The following FHOD3 variants were observed in gnomAD, a reference collection of about 807,000 sequenced individuals.
FHOD3 encodes formin homology 2 domain containing 3, also known as FH1/FH2 domain-containing protein 3.
In FHOD3, 90 loss-of-function variants were observed where a neutral mutation model predicts 173.0. The ratio of observed to expected loss-of-function variants is 0.52; its 90% confidence interval spans 0.44 to 0.62. FHOD3 has a LOEUF of 0.62. FHOD3 is among the 20% of genes least tolerant of loss of function. The pLI is 0.00. For missense variants in FHOD3, 1,945 were observed against 2,034.7 expected, an observed-to-expected ratio of 0.96 and a Z score of 0.85; for synonymous variants, 828 against 823.0, an observed-to-expected ratio of 1.01 and a Z score of -0.10.
chr18:36,522,031 G>A (rs956278192), intron 5 of FHOD3, among the ~76,000 whole-genome samples: 5 of 152,162 alleles, frequency 3.3e-5, no homozygotes, highest in African/African-American at 7.2e-5. Context: ...CCTGGTTCCC[G>A]AGTATTTTGG....
chr18:36,762,948 T>TGTATTATATACGTTATATATGC lies in FHOD3; in HGVS notation c.4624+2219_4624+2240dup, dbSNP rs769008223. Among the ~76,000 whole-genome samples the TGTATTATATACGTTATATATGC allele has an allele frequency of 4.7e-4, 69 of 145,790 alleles. 2 individuals carry two copies. The highest frequency in any genetic ancestry group is 1.3e-3 in the African/African-American group (52 of 40,098). On this transcript the variant is annotated intron_variant, in intron 27 of 28. Transcript: ENST00000590592. ...TATTATATACATTATATATAATATG[T>TGTATTATATACGTTATATATGC]GTATTATATACGTTATATATGCGTA...
intron 14 of FHOD3, among the ~76,000 whole-genome samples, chr18:36,681,049 T>C (rs1040342528): frequency 6.6e-6 from 1 of 152,176 alleles, no homozygotes; most frequent in Non-Finnish European, 1.5e-5. Context: ...GATAGATAGG[T>C]AGAAAATAGT....
At chr18:36,519,438 G>A (rs2056161972) in intron 5 of FHOD3, among the ~76,000 whole-genome samples, 1 of 152,174 alleles carries the variant, frequency 6.6e-6, no homozygotes, top group Non-Finnish European at 1.5e-5. Context: ...TCAGGGCTCG[G>A]GGACTCTCTT....
In FHOD3 at chr18:36,378,615, A is replaced by AAG. The variant is rs71168220; in HGVS notation, c.337+5871_337+5872insAG. ...CTGCCACAAAAAAAAAAAAAAAAAAAGAGAGATGGGAAGGATGTAAAACAT... is the reference window on the plus strand; with the variant it reads ...CTGCCACAAAAAAAAAAAAAAAAAAAAGGAGAGATGGGAAGGATGTAAAACAT... On this transcript the variant is annotated intron_variant, in intron 3 of 28. Transcript: ENST00000590592. Among the ~76,000 whole-genome samples the AAG allele has an allele frequency of 7.0e-5, 10 of 143,618 alleles. 1 individual carries two copies. The highest frequency in any genetic ancestry group is 1.5e-4 in the Non-Finnish European group (10 of 65,170). 94.2% of individuals were successfully genotyped at this position (143,618 alleles called of 152,430 possible).
intron 3 of FHOD3, among the ~76,000 whole-genome samples, chr18:36,481,462 T>C (rs1247440544): frequency 6.6e-6 from 1 of 151,942 alleles, no homozygotes; most frequent in East Asian, 1.9e-4. Flanking sequence ...TTTTTTTTTT[T>C]TTCAGGATAG....
At chr18:36,638,925 A>G (rs895259630) in intron 10 of FHOD3, among the ~76,000 whole-genome samples, 1 of 152,172 alleles carries the variant, frequency 6.6e-6, no homozygotes, top group African/African-American at 2.4e-5. Flanking sequence ...TCATTGTACA[A>G]CTTCTGGAAG....
At chr18:36,704,853 C>T (rs1225274403) in intron 17 of FHOD3, among the ~76,000 whole-genome samples, 4 of 152,360 alleles carry the variant, frequency 2.6e-5, no homozygotes, top group South Asian at 4.1e-4. Context: ...GTTCCTCCCC[C>T]AGCTGATGTC....
rs1172117801 is a variant in FHOD3, at chr18:36,519,980, A to G, written c.511+7437A>G. 3.8e-5 allele frequency among the ~76,000 whole-genome samples: 5 copies of G among 132,068 alleles called. No individual in the cohort carries two copies. The East Asian group carries it at 1.1e-3, about 30-fold the overall frequency. 86.6% of individuals were successfully genotyped at this position (132,068 alleles called of 152,430 possible). On this transcript the variant is annotated intron_variant, in intron 5 of 28. Coordinates refer to ENST00000590592, the MANE Select transcript of FHOD3 (RefSeq NM_001281740.3). ...ATTTTTTTTTTTTTTTTTTAAAGAG[A>G]TGTAGTTTTAGTCTATCACCCTGGC...
intron 5 of FHOD3, among the ~76,000 whole-genome samples, chr18:36,552,267 G>A (rs1351270359): frequency 3.3e-5 from 5 of 152,118 alleles, no homozygotes; most frequent in Non-Finnish European, 5.9e-5. Flanking sequence ...AATTGTGAAT[G>A]GGAGTTCACT....
intron 3 of FHOD3, among the ~76,000 whole-genome samples, chr18:36,485,518 C>T (rs1242150109): frequency 6.6e-6 from 1 of 152,214 alleles, no homozygotes; most frequent in African/African-American, 2.4e-5. Context: ...AGTCCAGGGG[C>T]TGCCCCAGCA....
At chr18:36,514,742 A>T (rs550113563) in intron 5 of FHOD3, among the ~76,000 whole-genome samples, 2 of 152,134 alleles carry the variant, frequency 1.3e-5, no homozygotes, top group African/African-American at 4.8e-5. Flanking sequence ...GTGTATTTCT[A>T]TTGCATCAGC....
intron 5 of FHOD3, among the ~76,000 whole-genome samples, chr18:36,529,256 A>T (rs182474801): frequency 2.7e-4 from 41 of 152,198 alleles, no homozygotes; most frequent in Non-Finnish European, 4.9e-4. Context: ...CAAATTCCTT[A>T]TCAGACTGAT....
intron 3 of FHOD3, among the ~76,000 whole-genome samples, chr18:36,388,926 C>T (rs1462430647): frequency 1.3e-5 from 2 of 152,236 alleles, no homozygotes; most frequent in Non-Finnish European, 2.9e-5. Flanking sequence ...GCCCTGGGGG[C>T]TGGGCTCTCT....
chr18:36,718,162 C>A lies in FHOD3; in HGVS notation c.2864C>A (p.Ser955Tyr), dbSNP rs1447289233. Residue 955 changes from serine to tyrosine, a missense_variant, in exon 19 of 29, where the codon TCC (serine) becomes TAC (tyrosine). Physicochemically the swap from Ser to Tyr is moderately radical, Grantham distance 144 (BLOSUM62 -2). Transcript: ENST00000590592. The stretch of plus-strand genomic sequence containing the variant: ...GGGGACCTGGGGAGAGGTTCCATCT[C>A]CCCTGATGCTGAGCCCAATGACAAG... ...NSGDLGRGSI[S>Y]PDAEPNDKVP... 1 of 1,611,478 alleles carries A rather than the reference C, an allele frequency of 6.2e-7. No homozygotes were observed. The highest frequency in any genetic ancestry group is 1.3e-5 in the African/African-American group (1 of 74,976).
chr18:36,512,130 G>C (rs1427972359), intron 4 of FHOD3, among the ~76,000 whole-genome samples: 1 of 152,246 alleles, frequency 6.6e-6, no homozygotes, highest in Non-Finnish European at 1.5e-5. Flanking sequence ...TGGGGGAGTA[G>C]AGCCTGGTGT....
chr18:36,718,210 A>G lies in FHOD3; in HGVS notation c.2912A>G (p.Gln971Arg). The G allele has an allele frequency of 6.2e-7, 1 of 1,614,118 alleles. No individual in the cohort carries two copies. The highest frequency in any genetic ancestry group is 8.5e-7 in the Non-Finnish European group (1 of 1,179,994). The part of the protein sequence containing the change: ...NDKVPETAPV[Q>R]PKTESDYIWD... ...AAGGTCCCAGAAACAGCGCCGGTGC[A>G]GCCGAAGACAGAGTCTGATTACATC... The change falls in exon 19 of 29, where the codon CAG becomes CGG. Residue 971 changes from glutamine (Q) to arginine (R), a missense_variant. By Grantham distance (43) the Gln-to-Arg change is conservative (BLOSUM62 1). Coordinates refer to ENST00000590592, the MANE Select transcript of FHOD3 (RefSeq NM_001281740.3).
chr18:36,738,005 C>G (rs1429992574), intron 20 of FHOD3, among the ~76,000 whole-genome samples: 2 of 152,178 alleles, frequency 1.3e-5, no homozygotes, highest in East Asian at 3.9e-4. Context: ...TACCCTCAAC[C>G]CACCTCTGGC....
chr18:36,585,631 T>A (rs886886590), intron 6 of FHOD3, among the ~76,000 whole-genome samples: 1 of 152,224 alleles, frequency 6.6e-6, no homozygotes, highest in African/African-American at 2.4e-5. Context: ...ATGATCATCT[T>A]CAGGGAGCTG....
chr18:36,518,833 T>A (rs931237777), intron 5 of FHOD3, among the ~76,000 whole-genome samples: 1 of 152,124 alleles, frequency 6.6e-6, no homozygotes, highest in Non-Finnish European at 1.5e-5. Context: ...AAACCTCTGC[T>A]TTAGGTGTCT....
Sources: gnomAD v4.1 joint callset for allele counts (sites outside exome capture counted in the v4.1 genomes callset) on GRCh38, gnomAD v4.1.1 for gene constraint, MANE v1.5 for transcripts, NCBI Gene and HGNC (gene_info 2026-07-23, HGNC 2026-07-21) for gene names.